Variants in MSH4 observed in about 807,000 individuals in gnomAD.
MSH4 encodes mutS homolog 4, also known as mutS protein homolog 4.
A neutral mutation model predicts 113.7 loss-of-function variants in MSH4; 106 were observed. The ratio of observed to expected loss-of-function variants is 0.93; its 90% CI spans 0.80 to 1.10. MSH4 has a LOEUF of 1.10. MSH4 is among the 50% of genes least tolerant of loss of function. MSH4 has a pLI of 0.00. For synonymous variants in MSH4, 368 were observed against 380.2 expected (o/e 0.97, Z 0.37); for missense variants, 1,061 against 1,093.7 (o/e 0.97, Z 0.42).
At chr1:75,824,235 A>C (rs910539202) in intron 7 of MSH4, among the ~76,000 whole-genome samples, 1 of 152,076 alleles carries the variant, frequency 6.6e-6, no homozygotes, top group African/African-American at 2.4e-5. Context: ...AGTGATGATG[A>C]GCTTTTTTTC....
At chr1:75,805,592 G>T (rs1454917493) in intron 2 of MSH4, among the ~76,000 whole-genome samples, 1 of 150,908 alleles carries the variant, frequency 6.6e-6, no homozygotes, top group African/African-American at 2.4e-5. Context: ...TCGCCATGTT[G>T]GCCAGGCTGG....
intron 7 of MSH4, among the ~76,000 whole-genome samples, chr1:75,837,646 C>A (rs1447066270): frequency 2.0e-5 from 3 of 152,116 alleles, no homozygotes; most frequent in Non-Finnish European, 2.9e-5. Context: ...CCTCGGCCTC[C>A]CAATGTGCTG....
chr1:75,815,948 C>A (rs1433066078), intron 5 of MSH4, among the ~76,000 whole-genome samples: 1 of 151,766 alleles, frequency 6.6e-6, no homozygotes, highest in African/African-American at 2.4e-5. Context: ...GTGGAGGTTG[C>A]AGTGAGCCGA....
intron 8 of MSH4, among the ~76,000 whole-genome samples, chr1:75,865,450 T>G (rs111713500): frequency 2.2e-4 from 34 of 152,170 alleles, no homozygotes; most frequent in African/African-American, 8.0e-4. Context: ...TATTGTTTAT[T>G]ACGTATAGTT....
intron 15 of MSH4, among the ~76,000 whole-genome samples, chr1:75,888,660 A>G (rs181684175): frequency 1.3e-3 from 202 of 151,878 alleles, no homozygotes; most frequent in African/African-American, 4.8e-3. Flanking sequence ...CATTTAAGAG[A>G]TACATAGTGA....
chr1:75,797,759 C>A (rs1649849429), intron 1 of MSH4, among the ~76,000 whole-genome samples: 1 of 152,142 alleles, frequency 6.6e-6, no homozygotes, highest in African/African-American at 2.4e-5. Flanking sequence ...TGGTGAACCT[C>A]CCACCCCCAT....
At chr1:75,892,475 G>A (rs775363806) in intron 17 of MSH4, among the ~76,000 whole-genome samples, 2 of 151,646 alleles carry the variant, frequency 1.3e-5, no homozygotes, top group East Asian at 3.9e-4. Context: ...ACAAATCTTG[G>A]TTCTGGTATG....
intron 18 of MSH4, among the ~76,000 whole-genome samples, chr1:75,899,124 G>T (rs1326533654): frequency 1.3e-5 from 2 of 152,108 alleles, no homozygotes; most frequent in East Asian, 3.9e-4. Context: ...CTAAAAACAT[G>T]AGAATTATAA....
intron 8 of MSH4, among the ~76,000 whole-genome samples, chr1:75,858,744 C>T (rs754875165): frequency 6.6e-6 from 1 of 152,108 alleles, no homozygotes; most frequent in Non-Finnish European, 1.5e-5. Flanking sequence ...TCTTGTGTCT[C>T]TGCCAGGATT....
intron 7 of MSH4, among the ~76,000 whole-genome samples, chr1:75,844,981 G>C (rs77459310): frequency 1.3e-5 from 2 of 152,344 alleles, no homozygotes; most frequent in East Asian, 3.9e-4. Flanking sequence ...ATACAAGAGA[G>C]AGAGGAAGGG....
In MSH4 at chr1:75,797,111, C is replaced by T; in HGVS notation, c.126C>T (p.Arg42=). ...GACTCCAGGAGACTCCACAGAGCCG[C>T]CCTTCGGTCCAGGTGGTCTCTGCAT... is the stretch of plus-strand genomic sequence containing the variant. ...NFGLQETPQS[R]PSVQVVSAST... The change falls in exon 1 of 20, where the codon CGC becomes CGT. Residue 42 remains arginine, a synonymous_variant. Coordinates refer to ENST00000263187, the MANE Select transcript of MSH4 (RefSeq NM_002440.4). 1 of 1,614,030 alleles carries T rather than the reference C, an allele frequency of 6.2e-7. No homozygotes were observed. The highest frequency in any genetic ancestry group is 8.5e-7 in the Non-Finnish European group (1 of 1,179,924).
intron 17 of MSH4, among the ~76,000 whole-genome samples, chr1:75,896,852 T>C (rs1480067575): frequency 6.6e-6 from 1 of 152,172 alleles, no homozygotes; most frequent in Non-Finnish European, 1.5e-5. Flanking sequence ...ATATAGTCTC[T>C]ACCTTTTAAA....
intron 17 of MSH4, among the ~76,000 whole-genome samples, chr1:75,893,474 C>T (rs1247600511): frequency 6.6e-6 from 1 of 152,028 alleles, no homozygotes; most frequent in Non-Finnish European, 1.5e-5. Flanking sequence ...GACATTTAGG[C>T]CCTAAATTCT....
chr1:75,905,797 GA>G (rs1652614523), intron 19 of MSH4, among the ~76,000 whole-genome samples: 1 of 151,890 alleles, frequency 6.6e-6, no homozygotes, highest in African/African-American at 2.4e-5. Flanking sequence ...TATTATTATA[GA>G]ATAACATTCT....
intron 8 of MSH4, among the ~76,000 whole-genome samples, chr1:75,851,688 G>T (rs1012596503): frequency 1.6e-4 from 24 of 152,254 alleles, no homozygotes; most frequent in African/African-American, 5.1e-4. Flanking sequence ...GGGATTATAG[G>T]TGTGAACCAT....
At chr1:75,832,489 G>T (rs1650722479) in intron 7 of MSH4, among the ~76,000 whole-genome samples, 1 of 152,036 alleles carries the variant, frequency 6.6e-6, no homozygotes, top group Non-Finnish European at 1.5e-5. Flanking sequence ...TAAAAAAAGA[G>T]AATTTTAGAC....
intron 4 of MSH4, among the ~76,000 whole-genome samples, chr1:75,811,064 G>A (rs1345335009): frequency 6.6e-6 from 1 of 152,032 alleles, no homozygotes; most frequent in African/African-American, 2.4e-5. Flanking sequence ...TAGAAATGGG[G>A]TTTCACCATG....
intron 14 of MSH4, among the ~76,000 whole-genome samples, chr1:75,882,663 T>TAAAAAAAAAAA (rs35936506): frequency 8.1e-6 from 1 of 123,812 alleles, no homozygotes; most frequent in Non-Finnish European, 1.6e-5. Flanking sequence ...ACCTCATTTC[T>TAAAAAAAAAAA]AAAAAAAAAA....
At chr1:75,871,057 C>T (rs1342855428) in intron 9 of MSH4, among the ~76,000 whole-genome samples, 2 of 152,166 alleles carry the variant, frequency 1.3e-5, no homozygotes, top group African/African-American at 4.8e-5. Flanking sequence ...ATTTAATTGA[C>T]TCACAGTTCA....
Sources: allele counts gnomAD v4.1 joint callset (sites outside exome capture counted in the v4.1 genomes callset), GRCh38; gene constraint gnomAD v4.1.1; transcripts MANE v1.5; gene names NCBI Gene and HGNC (gene_info 2026-07-23, HGNC 2026-07-21).